UBE2C: variants seen among roughly 807,000 people sequenced by gnomAD.
The protein encoded by UBE2C is ubiquitin-conjugating enzyme E2 C.
In UBE2C, 16 loss-of-function variants were observed where a neutral mutation model predicts 23.5. The observed-to-expected ratio is 0.68, with a 90% CI of 0.46 to 1.03. The LOEUF (loss-of-function observed/expected upper bound fraction) is 1.03. Ranked by LOEUF, UBE2C falls within the 50% of genes least tolerant of loss-of-function variation. The pLI is 0.00. For missense variants in UBE2C, 192 were observed against 227.6 expected, an observed-to-expected ratio of 0.84 and a Z score of 1.01; for synonymous variants, 76 against 91.6, an observed-to-expected ratio of 0.83 and a Z score of 0.97.
Position 45,812,675 on chromosome 20 carries a change from C to T in UBE2C, c.-21C>T, listed in dbSNP as rs1167323579. ...GCAGTCGTGTTCTCCGAGTTCCTGT[C>T]TCTCTGCCAACGCCGCCCGGATGGC... On this transcript the variant is annotated 5_prime_UTR_variant, in exon 1 of 6. Transcript: ENST00000356455. The T allele has an allele frequency of 1.9e-6, 3 of 1,550,602 alleles. No individual in the cohort carries two copies. In the African/African-American group the frequency reaches 4.1e-5, roughly 21 times the overall value.
intron 1 of UBE2C, chr20:45,813,030 A>G: frequency 1.4e-6 from 2 of 1,424,046 alleles, no homozygotes; most frequent in Non-Finnish European, 9.1e-7. Context: ...GATGGGGGAC[A>G]GGCCAGGAGC....
chr20:45,813,404 A>T, intron 1 of UBE2C, 33 bp from the exon 2 acceptor site: 1 of 1,613,714 alleles, frequency 6.2e-7, no homozygotes, highest in East Asian at 2.2e-5. Context: ...GCCCATCCAG[A>T]CTCCCAGGTA....
In UBE2C at chr20:45,815,410, C is replaced by T. The variant is rs1422785403; in HGVS notation, c.217-131C>T. ...AAAAGGCAGTGGGGAGCATCAGAAC[C>T]AGCTCAACAGTTTGTCTACTGTCCG... On this transcript the variant is annotated intron_variant, in intron 3 of 5. Coordinates refer to ENST00000356455, the MANE Select transcript of UBE2C (RefSeq NM_007019.4). 15 of 1,609,086 alleles carry T rather than the reference C, an allele frequency of 9.3e-6. No individual in the cohort carries two copies. In the East Asian group the frequency reaches 1.3e-4, roughly 14 times the overall value.
chr20:45,814,347 T>A (rs775872281), intron 2 of UBE2C, 37 bp from the exon 3 acceptor site: 14 of 1,549,340 alleles, frequency 9.0e-6, no homozygotes, highest in African/African-American at 2.8e-5. Flanking sequence ...TGCCCAAAAG[T>A]GTACTCCACA....
chr20:45,816,871 A>AT lies in UBE2C; in HGVS notation c.*109dup, dbSNP rs1982619967. The AT allele has an allele frequency of 9.9e-7, 1 of 1,014,498 alleles. No individual in the cohort carries two copies. The highest frequency in any genetic ancestry group is 1.4e-6 in the Non-Finnish European group (1 of 699,480). The allele number at this position is 1,014,498 out of a possible 1,614,324, so 62.8% of individuals were successfully genotyped here. The stretch of plus-strand genomic sequence containing the variant: ...AGGACTCTTTATCTTGAGCTGTGGT[A>AT]TTTTTGTTTTGTTTTTGTCTTTTAA... On this transcript the variant is annotated 3_prime_UTR_variant, in exon 6 of 6. Transcript: ENST00000356455.
chr20:45,813,005 G>A, intron 1 of UBE2C: 1 of 1,429,242 alleles, frequency 7.0e-7, no homozygotes. Flanking sequence ...CTCCTTGCGC[G>A]GGTGAGATTC....
rs535990120 is a variant in UBE2C, at chr20:45,815,525, T to C, written c.217-16T>C. 2.4e-5 allele frequency: 38 copies of C among 1,614,020 alleles called. No individual in the cohort carries two copies. The South Asian group carries it at 4.2e-4, about 18-fold the overall frequency. ...GCTGCTGGAGCTTACTCTGCAACTG[T>C]TTCTCCAAATGCCAGGTATATGAAG... On this transcript the variant is annotated splice_polypyrimidine_tract_variant and intron_variant, in intron 3 of 5. Coordinates refer to ENST00000356455, the MANE Select transcript of UBE2C (RefSeq NM_007019.4).
In UBE2C at chr20:45,816,744, C is replaced by A; in HGVS notation, c.517C>A (p.Gln173Lys). ...GTACCTGCAAGAAACCTACTCAAAG[C>A]AGGTCACCAGCCAGGAGCCCTGACC... ...KKYLQETYSK[Q>K]VTSQEP is the part of the protein sequence containing the mutation. The change falls in exon 6 of 6, where the codon CAG (glutamine) becomes AAG (lysine). Residue 173 changes from glutamine to lysine, a missense_variant. Physicochemically the swap from Gln to Lys is moderately conservative, Grantham distance 53. Coordinates refer to ENST00000356455, the MANE Select transcript of UBE2C (RefSeq NM_007019.4). The A allele has an allele frequency of 6.2e-7, 1 of 1,613,750 alleles. No homozygotes were observed. Among genetic ancestry groups the A allele is most frequent in the Non-Finnish European group, 8.5e-7 (1 of 1,179,746 alleles).
chr20:45,812,805 T>TG lies in UBE2C; in HGVS notation c.101+10dup, dbSNP rs1982039469. The TG allele has an allele frequency of 6.4e-7, 1 of 1,553,288 alleles. No homozygotes were observed. Among genetic ancestry groups the TG allele is most frequent in the Admixed American group, 2.0e-5 (1 of 51,198 alleles). ...GGTCCGGTGGGCAAAAGGTGAGTGATGCGGCCTACCACTCGCCGGGCCTGC... is the reference window on the plus strand; with the variant it reads ...GGTCCGGTGGGCAAAAGGTGAGTGATGGCGGCCTACCACTCGCCGGGCCTGC... On this transcript the variant is annotated intron_variant, in intron 1 of 5. Transcript: ENST00000356455.
intron 3 of UBE2C, 158 bp from the exon 4 acceptor site, chr20:45,815,383 T>A (rs552432611): frequency 6.3e-7 from 1 of 1,578,218 alleles, no homozygotes. Flanking sequence ...AAAAACTTTT[T>A]AAAAAGGCAG....
chr20:45,816,664 C>T (rs750267582), intron 5 of UBE2C, 45 bp from the exon 6 acceptor site: 1 of 1,556,396 alleles, frequency 6.4e-7, no homozygotes, highest in Non-Finnish European at 8.8e-7. Flanking sequence ...AAGATTAACT[C>T]ATCCTGTCTC....
In UBE2C at chr20:45,815,759, C is replaced by T. The variant is rs774152051; in HGVS notation, c.421+14C>T. ...GCCTTCTAGGAGGTGACTTTAGAGA[C>T]CACCCCTCCCCTCCATGCAACTTGG... On this transcript the variant is annotated intron_variant, in intron 4 of 5. Transcript: ENST00000356455. 4 of 1,611,482 alleles carry T rather than the reference C, an allele frequency of 2.5e-6. No homozygotes were observed. Among genetic ancestry groups the T allele is most frequent in the Non-Finnish European group, 3.4e-6 (4 of 1,178,126 alleles).
chr20:45,812,927 C>G (rs1982059940), intron 1 of UBE2C, 131 bp downstream of exon 1: 3 of 1,432,592 alleles, frequency 2.1e-6, no homozygotes, highest in Non-Finnish European at 2.7e-6. Flanking sequence ...GGAGAACACA[C>G]CAGGAGCTCG....
At chr20:45,812,942 C>T in intron 1 of UBE2C, 146 bp downstream of exon 1, 1 of 1,432,276 alleles carries the variant, frequency 7.0e-7, no homozygotes, top group South Asian at 1.5e-5. Flanking sequence ...AGCTCGGGGC[C>T]TGGCATTCCC....
chr20:45,815,132 C>T (rs1982383969), intron 3 of UBE2C, among the ~76,000 whole-genome samples: 1 of 152,060 alleles, frequency 6.6e-6, no homozygotes, highest in Non-Finnish European at 1.5e-5. Context: ...CCACCACGCC[C>T]GGCCAGCAAC....
At position 45,815,610 on chromosome 20, in the gene UBE2C, G is replaced by A. The variant is rs780709357; in HGVS notation, c.286G>A (p.Val96Met). 2 of 1,614,126 alleles carry A rather than the reference G, an allele frequency of 1.2e-6. No individual in the cohort carries two copies. The highest frequency in any genetic ancestry group is 1.1e-5 in the South Asian group (1 of 91,076). ...TGGCTACCCTTACAATGCGCCCACA[G>A]TGAAGTTCCTCACGCCCTGCTATCA... ...PSGYPYNAPT[V>M]KFLTPCYHPN... Residue 96 changes from valine (V) to methionine (M), a missense_variant, in exon 4 of 6, where the codon GTG becomes ATG. Physicochemically the swap from Val to Met is conservative, Grantham distance 21. Transcript: ENST00000356455.
intron 2 of UBE2C, 71 bp from the exon 3 acceptor site, chr20:45,814,313 A>T: frequency 1.2e-6 from 1 of 811,542 alleles, no homozygotes. Context: ...ATTAAGGGGA[A>T]AGCTCACCCA....
intron 2 of UBE2C, 125 bp downstream of exon 2, chr20:45,813,589 TAC>T: frequency 8.1e-7 from 1 of 1,227,926 alleles, no homozygotes; most frequent in Non-Finnish European, 1.2e-6. Context: ...AAGAAGTTCA[TAC>T]ACCCCACCTA....
chr20:45,815,581 C>T lies in UBE2C; in HGVS notation c.257C>T (p.Pro86Leu). The change falls in exon 4 of 6, where the codon CCC becomes CTC. Residue 86 changes from proline (P) to leucine (L), a missense_variant. Transcript: ENST00000356455. ...AGGTATAAGCTCTCGCTAGAGTTCCCCAGTGGCTACCCTTACAATGCGCCC... is the reference window on the plus strand; with the variant it reads ...AGGTATAAGCTCTCGCTAGAGTTCCTCAGTGGCTACCCTTACAATGCGCCC... The part of the protein sequence containing the change: ...DLRYKLSLEF[P>L]SGYPYNAPTV... 1.9e-6 allele frequency: 3 copies of T among 1,614,074 alleles called. No individual in the cohort carries two copies. The highest frequency in any genetic ancestry group is 2.5e-6 in the Non-Finnish European group (3 of 1,180,020).
Sources: gnomAD v4.1 joint callset for allele counts (sites outside exome capture counted in the v4.1 genomes callset) on GRCh38, gnomAD v4.1.1 for gene constraint, MANE v1.5 for transcripts, NCBI Gene and HGNC (gene_info 2026-07-23, HGNC 2026-07-21) for gene names.